The following GTF2IRD2B variants were observed in gnomAD, a reference collection of about 807,000 sequenced individuals.
The protein encoded by GTF2IRD2B is GTF2I repeat domain containing 2B, also known as general transcription factor II-I repeat domain-containing protein 2B.
In GTF2IRD2B, 10 loss-of-function variants were observed where a neutral mutation model predicts 55.6. The ratio of observed to expected loss-of-function variants is 0.18; its 90% CI spans 0.11 to 0.31. GTF2IRD2B has a LOEUF of 0.31. Among genes scored for constraint, GTF2IRD2B ranks in the 10% least tolerant of loss-of-function variants. GTF2IRD2B has a pLI of 1.00. For missense variants in GTF2IRD2B, 206 were observed against 802.7 expected (o/e 0.26, Z 8.98); for synonymous variants, 107 against 320.5 (o/e 0.33, Z 7.12).
intron 1 of GTF2IRD2B, 81 bp downstream of exon 1, chr7:75,092,846 G>A (rs1444468918): frequency 6.5e-6 from 1 of 153,072 alleles, no homozygotes; most frequent in Non-Finnish European, 1.5e-5. Context: ...CTCCTCCTGA[G>A]GGCCTGGGGA....
At chr7:75,103,227 C>T (rs1404758722) in intron 1 of GTF2IRD2B, among the ~76,000 whole-genome samples, 7 of 151,952 alleles carry the variant, frequency 4.6e-5, no homozygotes, top group East Asian at 1.9e-4. Flanking sequence ...TGCAGTGAGC[C>T]GAGATCGCAC....
intron 4 of GTF2IRD2B, among the ~76,000 whole-genome samples, chr7:75,121,561 C>T (rs587676666): frequency 0.013 from 1,862 of 142,146 alleles, 4 homozygotes; most frequent in African/African-American, 0.045. Context: ...TGGGTTCAAG[C>T]GATTCTCCCA....
At chr7:75,121,769 T>C (rs1335079757) in intron 4 of GTF2IRD2B, among the ~76,000 whole-genome samples, 2 of 145,192 alleles carry the variant, frequency 1.4e-5, no homozygotes, top group African/African-American at 2.5e-5. Flanking sequence ...ACCAGTTCTT[T>C]TTTTTTTTTG....
At chr7:75,112,728 T>C (rs1354695779) in intron 3 of GTF2IRD2B, 193 bp downstream of exon 3, 11 of 1,102,104 alleles carry the variant, frequency 1.0e-5, no homozygotes, top group Non-Finnish European at 1.5e-5. Context: ...TTTTATTTTA[T>C]ACTAGGTCCT....
intron 1 of GTF2IRD2B, among the ~76,000 whole-genome samples, chr7:75,105,665 C>T (rs1446377089): frequency 1.3e-5 from 2 of 152,308 alleles, no homozygotes; most frequent in Non-Finnish European, 2.9e-5. Context: ...AAGATGATAA[C>T]TCTAAGGGAT....
chr7:75,109,328 C>G (rs1807892187), intron 2 of GTF2IRD2B, among the ~76,000 whole-genome samples: 1 of 145,906 alleles, frequency 6.9e-6, no homozygotes, highest in Non-Finnish European at 1.5e-5. Flanking sequence ...CACCAGCCAC[C>G]ACATCCAGCT....
intron 3 of GTF2IRD2B, among the ~76,000 whole-genome samples, chr7:75,114,920 C>T (rs1180467794): frequency 7.0e-6 from 1 of 143,754 alleles, no homozygotes; most frequent in Non-Finnish European, 1.5e-5. Context: ...CCTCAGCCTC[C>T]CAAATAGCTG....
At position 75,149,544 on chromosome 7, in the gene GTF2IRD2B, C is replaced by G. The variant is rs1327449377; in HGVS notation, c.*247C>G. 4.1e-6 allele frequency: 2 copies of G among 481,936 alleles called. No individual in the cohort carries two copies. Among genetic ancestry groups the G allele is most frequent in the African/African-American group, 3.9e-5 (2 of 50,862 alleles). The allele number at this position is 481,936 out of a possible 1,614,324, so 29.9% of individuals were successfully genotyped here. A position where few individuals can be genotyped will look rare whatever the true frequency, so the allele number is the denominator to read the frequency against. ...TACAGGCATGCGCCACCATGCCCGG[C>G]TAATTTTTGTATTAGTAGAGATGAG... On this transcript the variant is annotated 3_prime_UTR_variant, in exon 16 of 16. Coordinates refer to ENST00000472837, the MANE Select transcript of GTF2IRD2B (RefSeq NM_001003795.3).
chr7:75,122,263 C>T (rs1249405983), intron 4 of GTF2IRD2B, among the ~76,000 whole-genome samples: 1 of 140,652 alleles, frequency 7.1e-6, no homozygotes, highest in Non-Finnish European at 1.5e-5. Flanking sequence ...TGTCACTCCA[C>T]CTACCCATGT....
intron 1 of GTF2IRD2B, among the ~76,000 whole-genome samples, chr7:75,102,859 T>A (rs587700607): frequency 1.3e-5 from 2 of 151,562 alleles, no homozygotes; most frequent in African/African-American, 4.9e-5. Flanking sequence ...CTTGGGAGGC[T>A]GAGGCAGAAG....
chr7:75,103,887 C>T (rs1807668793), intron 1 of GTF2IRD2B, among the ~76,000 whole-genome samples: 1 of 144,260 alleles, frequency 6.9e-6, no homozygotes, highest in African/African-American at 2.5e-5. Flanking sequence ...AAAAAATTAG[C>T]TGGGCATGGT....
intron 3 of GTF2IRD2B, among the ~76,000 whole-genome samples, chr7:75,114,758 G>A (rs1808085255): frequency 6.6e-6 from 1 of 150,980 alleles, no homozygotes; most frequent in Admixed American, 6.6e-5. Context: ...TGCTGCAAAG[G>A]ATATGATTTC....
At chr7:75,114,180 G>A (rs1481977159) in intron 3 of GTF2IRD2B, among the ~76,000 whole-genome samples, 11 of 150,636 alleles carry the variant, frequency 7.3e-5, no homozygotes, top group Admixed American at 6.7e-5. Flanking sequence ...CCAAATTAAG[G>A]TCTCCACTAT....
At chr7:75,123,626 A>C (rs1183624566) in intron 6 of GTF2IRD2B, 110 bp downstream of exon 6, 1 of 563,202 alleles carries the variant, frequency 1.8e-6, no homozygotes, top group Non-Finnish European at 3.2e-6. Context: ...CTGTAATCCC[A>C]GCACTTTGGG....
At chr7:75,147,033 G>T (rs1554454371) in intron 15 of GTF2IRD2B, 1 of 158,220 alleles carries the variant, frequency 6.3e-6, no homozygotes, top group African/African-American at 2.4e-5. Flanking sequence ...GGGAGCTGAA[G>T]TGGGAGGATC....
At chr7:75,137,135 G>A (rs1466595609) in intron 11 of GTF2IRD2B, among the ~76,000 whole-genome samples, 6 of 151,024 alleles carry the variant, frequency 4.0e-5, no homozygotes, top group African/African-American at 9.7e-5. Context: ...CCTGAGAGGC[G>A]GAGGTTGCAG....
In GTF2IRD2B at chr7:75,137,201, TAA is replaced by T. The variant is rs71223479; in HGVS notation, c.871+369_871+370del. Among the ~76,000 whole-genome samples the T allele has an allele frequency of 1.3e-3, 173 of 129,126 alleles. 4 individuals carry two copies. Among genetic ancestry groups the T allele is most frequent in the African/African-American group, 4.6e-3 (154 of 33,810 alleles). The allele number at this position is 129,126 out of a possible 152,430, so 84.7% of individuals were successfully genotyped here. A position where few individuals can be genotyped will look rare whatever the true frequency, so the allele number is the denominator to read the frequency against. ...CTGGGTGACAGAGCGAGATTCCATC[TAA>T]AAAAAAAAAAAAAAAAATTGTGGGG... is the stretch of plus-strand genomic sequence containing the variant. On this transcript the variant is annotated intron_variant, in intron 11 of 15. Coordinates refer to ENST00000472837, the MANE Select transcript of GTF2IRD2B (RefSeq NM_001003795.3).
chr7:75,123,632 T>C, intron 6 of GTF2IRD2B, 116 bp downstream of exon 6: 1 of 596,946 alleles, frequency 1.7e-6, no homozygotes, highest in Non-Finnish European at 3.1e-6. Flanking sequence ...TCCCAGCACT[T>C]TGGGAGGCTG....
At chr7:75,103,234 G>A (rs1471468138) in intron 1 of GTF2IRD2B, among the ~76,000 whole-genome samples, 1 of 151,788 alleles carries the variant, frequency 6.6e-6, no homozygotes, top group Admixed American at 6.6e-5. Flanking sequence ...AGCCGAGATC[G>A]CACCACTGCA....
Sources: allele counts gnomAD v4.1 joint callset (sites outside exome capture counted in the v4.1 genomes callset), GRCh38; gene constraint gnomAD v4.1.1; transcripts MANE v1.5; gene names NCBI Gene and HGNC (gene_info 2026-07-23, HGNC 2026-07-21).